TSPEAR: variants seen among roughly 807,000 people sequenced by gnomAD.
The protein encoded by TSPEAR is thrombospondin-type laminin G domain and EAR repeat-containing protein.
Under a neutral mutation model 71.6 loss-of-function variants are expected in TSPEAR, and 69 were observed. The ratio of observed to expected loss-of-function variants is 0.96; its 90% confidence interval spans 0.79 to 1.18. TSPEAR has a LOEUF of 1.18. TSPEAR is among the 50% of genes most tolerant of loss of function. TSPEAR has a pLI of 0.00. For missense variants in TSPEAR, 971 were observed against 894.9 expected, an observed-to-expected ratio of 1.09 and a Z score of -1.09; for synonymous variants, 402 against 387.2, an observed-to-expected ratio of 1.04 and a Z score of -0.45.
In TSPEAR at chr21:44,506,115, G is replaced by A. The variant is rs1270490616; in HGVS notation, c.1755-1234C>T. ...CTGCAGGACCTGCTCGTTCACAGAT[G>A]TTCTCCTAGAAGCAGAAGCTGTTTC... is the stretch of plus-strand genomic sequence containing the variant. On this transcript the variant is annotated intron_variant, in intron 10 of 11. Transcript: ENST00000323084. This position sits in a 1 kb window ranked among gnomAD's most constrained non-coding sequence, Gnocchi z 4.2. Among the ~76,000 whole-genome samples the A allele has an allele frequency of 1.3e-5, 2 of 152,230 alleles. No individual in the cohort carries two copies. Among genetic ancestry groups the A allele is most frequent in the African/African-American group, 2.4e-5 (1 of 41,466 alleles).
chr21:44,602,285 C>A (rs384645), intron 1 of TSPEAR: 135,259 of 161,892 alleles, frequency 0.84, 58,352 homozygotes, highest in Non-Finnish European at 0.94. Context: ...CCTTCCCAGG[C>A]GTCCTGGCAG....
At chr21:44,709,120 C>T (rs878127) in intron 1 of TSPEAR, among the ~76,000 whole-genome samples, 37,280 of 152,056 alleles carry the variant, frequency 0.25, 4,771 homozygotes, top group African/African-American at 0.27. Context: ...CCCAGCCCCC[C>T]AGAGCCCACC....
At position 44,531,126 on chromosome 21, in the gene TSPEAR, C is replaced by A. The variant is rs782130480; in HGVS notation, c.550G>T (p.Asp184Tyr). The change falls in exon 4 of 12, where the codon GAT becomes TAT. Residue 184 changes from aspartate (D) to tyrosine (Y), a missense_variant. Asp to Tyr is a radical substitution (Grantham distance 160). Coordinates refer to ENST00000323084, the MANE Select transcript of TSPEAR (RefSeq NM_144991.3). ...GACAGGGTGGCTGGGAAGGGCACAT[C>A]GGCCATTCTGAAAATATCAAAGGAC... ...DCGLPVDIMA[D>Y]VPFPATLSVK... 20 of 1,613,512 alleles carry A rather than the reference C, an allele frequency of 1.2e-5. No homozygotes were observed. The highest frequency in any genetic ancestry group is 1.3e-5 in the Non-Finnish European group (15 of 1,179,868).
chr21:44,663,542 C>T (rs1985604181), intron 1 of TSPEAR, among the ~76,000 whole-genome samples: 1 of 151,964 alleles, frequency 6.6e-6, no homozygotes, highest in Non-Finnish European at 1.5e-5. Context: ...GAAATATAAC[C>T]AATTCTACAT....
At position 44,533,702 on chromosome 21, in the gene TSPEAR, G is replaced by A. The variant is rs201533971; in HGVS notation, c.525C>T (p.Cys175=). Residue 175 remains cysteine (C), a synonymous_variant, in exon 3 of 12, where the codon TGC becomes TGT. Transcript: ENST00000323084. ...SAGVFSLTTD[C]GLPVDIMADV... ...GTACCTACATGTCCACCGGGAGGCC[G>A]CAGTCCGTGGTGAGGGAGAAGACGC... 56 of 1,608,678 alleles carry A rather than the reference G, an allele frequency of 3.5e-5. No individual in the cohort carries two copies. The highest frequency in any genetic ancestry group is 3.3e-4 in the Admixed American group (20 of 59,916).
At chr21:44,676,369 G>A in intron 1 of TSPEAR, 1 of 1,125,338 alleles carries the variant, frequency 8.9e-7, no homozygotes, top group Non-Finnish European at 1.4e-6. Context: ...ACTACCCAGT[G>A]GGACAGCAGG....
chr21:44,640,307 G>A (rs587618238), intron 1 of TSPEAR, among the ~76,000 whole-genome samples: 1 of 152,314 alleles, frequency 6.6e-6, no homozygotes, highest in South Asian at 2.1e-4. Flanking sequence ...CACATGTGGT[G>A]GGATTCTATT....
chr21:44,500,032 C>G (rs1232695499), intron 11 of TSPEAR, 96 bp from the exon 12 acceptor site: 1 of 1,334,332 alleles, frequency 7.5e-7, no homozygotes, highest in African/African-American at 1.5e-5. Flanking sequence ...CCCAGCAGCT[C>G]TGGGTCACAT....
intron 1 of TSPEAR, chr21:44,654,493 C>G: frequency 6.2e-7 from 1 of 1,613,848 alleles, no homozygotes; most frequent in Non-Finnish European, 8.5e-7. Flanking sequence ...CAGAGCCACA[C>G]AGGGGGCTGA....
rs149493344 is a variant in TSPEAR at position 44,533,870 on chromosome 21, G to A, written c.357C>T (p.Leu119=). 467 of 1,612,364 alleles carry A rather than the reference G, an allele frequency of 2.9e-4. No individual in the cohort carries two copies. Among genetic ancestry groups the A allele is most frequent in the Middle Eastern group, 1.5e-3 (9 of 6,060 alleles). ...VVAEESDLLL[L]GLRLSPAQLH... The stretch of plus-strand genomic sequence containing the variant: ...GCTGGGCAGGTGACAACCGCAGGCC[G>A]AGCAGCAGCAGGTCGCTCTCCTCTG... Residue 119 remains leucine (L), a synonymous_variant, in exon 3 of 12, where the codon CTC becomes CTT. Transcript: ENST00000323084.
chr21:44,700,716 A>G (rs17004693), intron 1 of TSPEAR, among the ~76,000 whole-genome samples: 2,224 of 152,272 alleles, frequency 0.015, 67 homozygotes, highest in African/African-American at 0.049. Context: ...TTCCACCTAA[A>G]GGCATCCCAG....
rs192642947 is a variant in TSPEAR at position 44,620,636 on chromosome 21, C to T, written c.83-52631G>A. On this transcript the variant is annotated intron_variant, in intron 1 of 11. Transcript: ENST00000323084. ...GAACCAACTTTTTTGTTCCTTGATT[C>T]GATTGATTTTTAAAATTTCTATTCC... Among the ~76,000 whole-genome samples the T allele has an allele frequency of 1.4e-3, 216 of 152,226 alleles. 1 individual carries two copies. The highest frequency in any genetic ancestry group is 2.0e-3 in the Non-Finnish European group (134 of 67,998).
intron 1 of TSPEAR, among the ~76,000 whole-genome samples, chr21:44,599,276 C>T (rs1980611590): frequency 6.6e-6 from 1 of 152,104 alleles, no homozygotes; most frequent in African/African-American, 2.4e-5. Flanking sequence ...CAATTCATCC[C>T]ACCGTGTAAC....
intron 1 of TSPEAR, chr21:44,600,926 C>T: frequency 3.7e-6 from 6 of 1,612,014 alleles, no homozygotes; most frequent in Admixed American, 1.7e-5. Context: ...TGCTGTGCCT[C>T]CTCCCCCTGC....
chr21:44,526,222 G>A (rs1184086238), intron 7 of TSPEAR, among the ~76,000 whole-genome samples: 5 of 152,136 alleles, frequency 3.3e-5, no homozygotes, highest in African/African-American at 9.7e-5. Context: ...TGATCACCAC[G>A]CAAAGCTGTG....
chr21:44,574,405 C>A (rs587631963), intron 1 of TSPEAR: 55 of 1,573,744 alleles, frequency 3.5e-5, no homozygotes, highest in Non-Finnish European at 4.6e-5. Flanking sequence ...AGCTGCCAGC[C>A]GGCTTGCTGC....
intron 2 of TSPEAR, chr21:44,539,738 T>C: frequency 2.5e-6 from 4 of 1,612,214 alleles, no homozygotes; most frequent in East Asian, 2.2e-5. Flanking sequence ...GCAGGACTGC[T>C]GGCTGGAGGA....
chr21:44,568,328 C>T lies in TSPEAR; in HGVS notation c.83-323G>A, dbSNP rs116710648. On this transcript the variant is annotated intron_variant, in intron 1 of 11. Transcript: ENST00000323084. The stretch of plus-strand genomic sequence containing the variant: ...ACTGTGCAGGGTGAGCTGTGCGGGA[C>T]GAAGGAAGGAACGCATGGCCCCACC... 9.1e-3 allele frequency among the ~76,000 whole-genome samples: 1,389 copies of T among 152,196 alleles called. 20 individuals are homozygous for T. Among genetic ancestry groups the T allele is most frequent in the African/African-American group, 0.032 (1,308 of 41,520 alleles).
intron 2 of TSPEAR, chr21:44,558,435 G>A: frequency 6.2e-7 from 1 of 1,614,042 alleles, no homozygotes; most frequent in East Asian, 2.2e-5. Flanking sequence ...CTGCTGGCAG[G>A]GGGAGGATGT....
Sources: gnomAD v4.1 joint callset for allele counts (sites outside exome capture counted in the v4.1 genomes callset) on GRCh38, gnomAD v4.1.1 for gene constraint, Gnocchi (gnomAD v3.1) non-coding constraint, MANE v1.5 for transcripts, NCBI Gene and HGNC (gene_info 2026-07-23, HGNC 2026-07-21) for gene names.